Variants in RPIA observed in about 807,000 individuals in gnomAD.
RPIA encodes ribose-5-phosphate isomerase.
A neutral mutation model predicts 37.8 loss-of-function variants in RPIA; 29 were observed. That is an observed-to-expected ratio of 0.77 (90% CI 0.57 to 1.05). The LOEUF (loss-of-function observed/expected upper bound fraction) is 1.05, where lower values mean the gene tolerates loss of function less well. Among genes scored for constraint, RPIA ranks in the 50% least tolerant of loss-of-function variants. RPIA has a pLI of 0.00. For synonymous variants in RPIA, 167 were observed against 157.0 expected (o/e 1.06, Z -0.48); for missense variants, 385 against 413.6 (o/e 0.93, Z 0.60).
chr2:88,713,120 A>G (rs370322190), intron 3 of RPIA, among the ~76,000 whole-genome samples: 54 of 65,294 alleles, frequency 8.3e-4, no homozygotes, highest in Non-Finnish European at 1.2e-3. Context: ...ATATATATAT[A>G]TTTTTTTTTT....
At chr2:88,697,813 C>T (rs1672772347) in intron 1 of RPIA, among the ~76,000 whole-genome samples, 1 of 152,198 alleles carries the variant, frequency 6.6e-6, no homozygotes. Context: ...GTCACCTAGG[C>T]AGATGCTGAC....
chr2:88,703,834 A>C (rs1672864354), intron 3 of RPIA, among the ~76,000 whole-genome samples: 2 of 152,186 alleles, frequency 1.3e-5, no homozygotes, highest in Non-Finnish European at 2.9e-5. Flanking sequence ...CAAATTTTTC[A>C]AACTTTTATA....
chr2:88,691,693 G>A lies in RPIA; in HGVS notation c.-6G>A, dbSNP rs756208679. On this transcript the variant is annotated 5_prime_UTR_variant, in exon 1 of 9. Transcript: ENST00000283646. The stretch of plus-strand genomic sequence containing the variant: ...ACTTCAGCGGAGGCCGGAGCGAGGC[G>A]TCGGGATGCAGCGCCCCGGGCCCTT... 16 of 1,569,150 alleles carry A rather than the reference G, an allele frequency of 1.0e-5. No individual in the cohort carries two copies. The South Asian group carries it at 1.7e-4, about 17-fold the overall frequency.
rs1047152121 is a variant in RPIA at position 88,745,952 on chromosome 2, A to G, written c.839-4029A>G. ...GTTTGATTGTTTAACATAATCCCAA[A>G]TTTCTTGGAGGCTTTGTTCATTTTT... On this transcript the variant is annotated intron_variant, in intron 8 of 8. Transcript: ENST00000283646. 2.9e-4 allele frequency among the ~76,000 whole-genome samples: 44 copies of G among 152,048 alleles called. 1 individual carries two copies. The highest frequency in any genetic ancestry group is 1.0e-3 in the African/African-American group (42 of 41,476).
chr2:88,719,310 T>A (rs1334114392), intron 3 of RPIA, among the ~76,000 whole-genome samples: 1 of 152,218 alleles, frequency 6.6e-6, no homozygotes, highest in Non-Finnish European at 1.5e-5. Context: ...ATATCAGAAT[T>A]ATAGGAGTTT....
At chr2:88,745,076 C>A (rs1414772192) in intron 8 of RPIA, among the ~76,000 whole-genome samples, 2 of 152,034 alleles carry the variant, frequency 1.3e-5, no homozygotes, top group Admixed American at 6.6e-5. Context: ...TCCTGCCTCA[C>A]CCTCCTGAGT....
At chr2:88,734,647 A>C (rs1172418223) in intron 5 of RPIA, 31 bp downstream of exon 5, 1 of 1,605,820 alleles carries the variant, frequency 6.2e-7, no homozygotes, top group Non-Finnish European at 8.5e-7. Context: ...TGTGCTAAAG[A>C]GTATCTGCCA....
intron 8 of RPIA, among the ~76,000 whole-genome samples, chr2:88,738,838 G>C (rs1240142848): frequency 6.6e-6 from 1 of 152,166 alleles, no homozygotes; most frequent in Non-Finnish European, 1.5e-5. Flanking sequence ...GGCTGAGAAA[G>C]GTTAAGCCAT....
intron 3 of RPIA, among the ~76,000 whole-genome samples, chr2:88,725,748 A>G (rs1289975975): frequency 2.0e-5 from 3 of 152,188 alleles, no homozygotes; most frequent in African/African-American, 2.4e-5. Context: ...TGGGGAACAC[A>G]ATTCAACCTA....
intron 8 of RPIA, among the ~76,000 whole-genome samples, chr2:88,743,634 A>T (rs910534686): frequency 6.6e-6 from 1 of 152,066 alleles, no homozygotes; most frequent in Non-Finnish European, 1.5e-5. Context: ...TGAATGTCTG[A>T]TAGAATTCAG....
At chr2:88,722,104 C>G (rs1001213722) in intron 3 of RPIA, among the ~76,000 whole-genome samples, 2 of 151,630 alleles carry the variant, frequency 1.3e-5, no homozygotes, top group Non-Finnish European at 2.9e-5. Context: ...CCAAATTAAC[C>G]ATACAAGATT....
At chr2:88,698,810 A>G (rs957081079) in intron 2 of RPIA, among the ~76,000 whole-genome samples, 1 of 152,158 alleles carries the variant, frequency 6.6e-6, no homozygotes, top group Non-Finnish European at 1.5e-5. Context: ...ACTTAGCTTG[A>G]GGTCCCAATA....
At chr2:88,724,306 G>C (rs914913862) in intron 3 of RPIA, among the ~76,000 whole-genome samples, 2 of 151,846 alleles carry the variant, frequency 1.3e-5, no homozygotes. Flanking sequence ...TTTTTTCTTT[G>C]TTTTGTTTTG....
chr2:88,742,381 C>A (rs148236150), intron 8 of RPIA, among the ~76,000 whole-genome samples: 4,625 of 152,128 alleles, frequency 0.03, 102 homozygotes, highest in Non-Finnish European at 0.046. Context: ...TTATTTCTGG[C>A]TTCTCTATTC....
rs535661038 is a variant in RPIA, at chr2:88,702,389, G to A, written c.402+2325G>A. Among the ~76,000 whole-genome samples the A allele has an allele frequency of 5.5e-5, 8 of 144,226 alleles. No homozygotes were observed. The South Asian group carries it at 1.7e-3, about 30-fold the overall frequency. 94.6% of individuals were successfully genotyped at this position (144,226 alleles called of 152,430 possible). On this transcript the variant is annotated intron_variant, in intron 3 of 8. Transcript: ENST00000283646. ...CTGATAAAGACATACCTGAGACTGGGCAATTTACAAAAGAATGAGGTTTAA... is the reference window on the plus strand; with the variant it reads ...CTGATAAAGACATACCTGAGACTGGACAATTTACAAAAGAATGAGGTTTAA...
At position 88,738,072 on chromosome 2, in the gene RPIA, C is replaced by T; in HGVS notation, c.834C>T (p.Ile278=). 3 of 1,610,892 alleles carry T rather than the reference C, an allele frequency of 1.9e-6. No homozygotes were observed. Among genetic ancestry groups the T allele is most frequent in the Non-Finnish European group, 2.5e-6 (3 of 1,177,104 alleles). ...WSEVNTAIKM[I]PGVVDTGLFI... is the part of the protein sequence containing the mutation. ...AAGTGAATACAGCTATCAAAATGATCCCAGGTAACATGAGTGGTGTTCACC... is the reference window on the plus strand; with the variant it reads ...AAGTGAATACAGCTATCAAAATGATTCCAGGTAACATGAGTGGTGTTCACC... Residue 278 remains isoleucine, a synonymous_variant, in exon 8 of 9, where the codon ATC becomes ATT. Transcript: ENST00000283646.
At chr2:88,694,990 A>AAAAAAG (rs1553418579) in intron 1 of RPIA, among the ~76,000 whole-genome samples, 286 of 151,454 alleles carry the variant, frequency 1.9e-3, no homozygotes, top group African/African-American at 6.5e-3. Context: ...AAAAAAAAAA[A>AAAAAAG]AAAAAGAAAA....
At chr2:88,745,336 C>T (rs1673427701) in intron 8 of RPIA, among the ~76,000 whole-genome samples, 2 of 152,036 alleles carry the variant, frequency 1.3e-5, no homozygotes, top group African/African-American at 4.8e-5. Context: ...CTCCTGGATA[C>T]CTTGTTTTTT....
intron 3 of RPIA, among the ~76,000 whole-genome samples, chr2:88,725,343 T>TA (rs11406557): frequency 0.11 from 15,215 of 142,572 alleles, 1,569 homozygotes; most frequent in African/African-American, 0.28. Context: ...CTGAATAGCT[T>TA]AAAAAAAAAA....
Sources: gnomAD v4.1 joint callset for allele counts (sites outside exome capture counted in the v4.1 genomes callset) on GRCh38, gnomAD v4.1.1 for gene constraint, MANE v1.5 for transcripts, NCBI Gene and HGNC (gene_info 2026-07-23, HGNC 2026-07-21) for gene names.